CES5A: variants seen among roughly 807,000 people sequenced by gnomAD.
CES5A encodes the protein carboxylesterase 5A.
In CES5A, 67 loss-of-function variants were observed where a neutral mutation model predicts 62.9. That is an observed-to-expected ratio of 1.07 (90% CI 0.88 to 1.31). The LOEUF is 1.31. CES5A is among the 50% of genes most tolerant of loss of function. CES5A has a pLI of 0.00. For synonymous variants in CES5A, 296 were observed against 280.8 expected (o/e 1.05, Z -0.54); for missense variants, 748 against 708.5 (o/e 1.06, Z -0.63).
intron 1 of CES5A, among the ~76,000 whole-genome samples, chr16:55,886,022 C>A (rs544356983): frequency 6.6e-6 from 1 of 152,326 alleles, no homozygotes; most frequent in South Asian, 2.1e-4. Context: ...CAATCACATC[C>A]GTCCACTGCC....
chr16:55,874,981 G>A (rs1212308713), intron 1 of CES5A, among the ~76,000 whole-genome samples, 168 bp downstream of exon 1: 1 of 152,226 alleles, frequency 6.6e-6, no homozygotes, highest in Non-Finnish European at 1.5e-5. Flanking sequence ...CAAGAAGGAA[G>A]CTCTGGTCCT....
chr16:55,876,385 T>C (rs2033694062), upstream of CES5A, among the ~76,000 whole-genome samples: 1 of 152,228 alleles, frequency 6.6e-6, no homozygotes, highest in Non-Finnish European at 1.5e-5. Context: ...CACAAAACAT[T>C]CCCTTTGCCT....
At chr16:55,898,538 C>A (rs2142439637) in intron 1 of CES5A, among the ~76,000 whole-genome samples, 1 of 152,320 alleles carries the variant, frequency 6.6e-6, no homozygotes, top group Admixed American at 6.5e-5. Context: ...AATGGCACAT[C>A]ATAGACAATC....
At chr16:55,922,018 C>A (rs947907421) in intron 1 of CES5A, among the ~76,000 whole-genome samples, 1 of 151,158 alleles carries the variant, frequency 6.6e-6, no homozygotes, top group African/African-American at 2.4e-5. Context: ...TCATGGTAAC[C>A]ACAATGTAAA....
chr16:55,950,763 C>T (rs1484444524), intron 1 of CES5A, among the ~76,000 whole-genome samples: 3 of 152,036 alleles, frequency 2.0e-5, no homozygotes, highest in African/African-American at 7.2e-5. Context: ...AGATAGAAGT[C>T]TTTAGATTGA....
chr16:55,896,193 C>A (rs2033932443), intron 1 of CES5A, among the ~76,000 whole-genome samples: 1 of 152,146 alleles, frequency 6.6e-6, no homozygotes, highest in Admixed American at 6.5e-5. Flanking sequence ...TGCAGGGGAA[C>A]TCTCCTTTAT....
chr16:55,898,215 A>G (rs1338936747), intron 1 of CES5A, among the ~76,000 whole-genome samples: 1 of 152,172 alleles, frequency 6.6e-6, no homozygotes, highest in African/African-American at 2.4e-5. Context: ...CTTCAATTAA[A>G]AAGTAAAAGC....
chr16:55,855,966 T>TA lies in CES5A; in HGVS notation c.1125+410dup, dbSNP rs572672828. On this transcript the variant is annotated intron_variant, in intron 9 of 12. Coordinates refer to ENST00000290567, the MANE Select transcript of CES5A (RefSeq NM_001143685.2). ...CACCCCTTTGGTGCTGTTCTCATGA[T>TA]AGAGTTCTCATGAGATTTGGTTGTT... Among the ~76,000 whole-genome samples the TA allele has an allele frequency of 1.5e-3, 228 of 152,262 alleles. 1 individual carries two copies. The highest frequency in any genetic ancestry group is 5.1e-3 in the African/African-American group (213 of 41,552).
chr16:55,887,314 G>T (rs1278486520), intron 1 of CES5A, among the ~76,000 whole-genome samples: 1 of 149,208 alleles, frequency 6.7e-6, no homozygotes, highest in Admixed American at 6.7e-5. Context: ...CCAACAAAGA[G>T]TCCACTGAAC....
intron 2 of CES5A, among the ~76,000 whole-genome samples, chr16:55,939,978 A>G (rs531513053): frequency 1.3e-5 from 2 of 152,258 alleles, no homozygotes; most frequent in South Asian, 4.1e-4. Context: ...ACTGAATGAA[A>G]ATAAAAATAC....
At chr16:55,949,974 C>A (rs1349044647) in intron 1 of CES5A, 3 of 616,836 alleles carry the variant, frequency 4.9e-6, no homozygotes, top group South Asian at 3.8e-5. Context: ...ATAATATAAC[C>A]AATACAGCAT....
Position 55,869,715 on chromosome 16 carries a change from G to A in CES5A, c.447C>T (p.Phe149=). ...PVLVWFPGGA[F]KTGSASIFDG... is the part of the protein sequence containing the mutation. ...CAAAGATGGAGGCTGAGCCAGTCTT[G>A]AAGGCACCTCCTGGGAACCACACCA... Residue 149 remains phenylalanine (F), a synonymous_variant, in exon 4 of 13, where the codon TTC becomes TTT. Transcript: ENST00000290567. 1.2e-6 allele frequency: 2 copies of A among 1,607,904 alleles called. No individual in the cohort carries two copies. The highest frequency in any genetic ancestry group is 1.7e-6 in the Non-Finnish European group (2 of 1,176,390).
intron 1 of CES5A, among the ~76,000 whole-genome samples, chr16:55,908,013 T>C (rs1356630272): frequency 6.6e-6 from 1 of 152,198 alleles, no homozygotes; most frequent in Admixed American, 6.5e-5. Context: ...GATATGCCAC[T>C]GTCCCCAGAA....
chr16:55,936,573 C>CT (rs2034378099), intron 2 of CES5A, among the ~76,000 whole-genome samples: 1 of 152,138 alleles, frequency 6.6e-6, no homozygotes, highest in Non-Finnish European at 1.5e-5. Context: ...TTAGTCCAAT[C>CT]TTTTTTTGTA....
At chr16:55,955,712 C>T in intron 1 of CES5A, 4 of 938,366 alleles carry the variant, frequency 4.3e-6, no homozygotes, top group Non-Finnish European at 4.8e-6. Context: ...ATCCATCTAG[C>T]CTACCGTGGG....
intron 11 of CES5A, among the ~76,000 whole-genome samples, chr16:55,847,449 T>C (rs1375935417): frequency 6.6e-6 from 1 of 152,186 alleles, no homozygotes; most frequent in Non-Finnish European, 1.5e-5. Context: ...TTTGTATTTC[T>C]TTAATAAAAA....
At chr16:55,950,456 G>A (rs1295918320) in intron 1 of CES5A, among the ~76,000 whole-genome samples, 1 of 152,118 alleles carries the variant, frequency 6.6e-6, no homozygotes, top group Non-Finnish European at 1.5e-5. Flanking sequence ...ACAAACTTGA[G>A]TACTGAAATT....
At chr16:55,883,602 T>C (rs987351597) in intron 1 of CES5A, among the ~76,000 whole-genome samples, 1 of 152,184 alleles carries the variant, frequency 6.6e-6, no homozygotes, top group Non-Finnish European at 1.5e-5. Context: ...TCTTTAACAG[T>C]GGTGCTAATC....
intron 2 of CES5A, among the ~76,000 whole-genome samples, chr16:55,936,460 T>A (rs567178438): frequency 6.6e-6 from 1 of 152,340 alleles, no homozygotes; most frequent in East Asian, 1.9e-4. Context: ...TATCAAAGCA[T>A]CTACATGCTG....
Sources: allele counts gnomAD v4.1 joint callset (sites outside exome capture counted in the v4.1 genomes callset), GRCh38; gene constraint gnomAD v4.1.1; transcripts MANE v1.5; gene names NCBI Gene and HGNC (gene_info 2026-07-23, HGNC 2026-07-21).